Variants in ANO2 observed in about 807,000 individuals in gnomAD.
The protein encoded by ANO2 is anoctamin 2.
A neutral mutation model predicts 124.2 loss-of-function variants in ANO2; 101 were observed. The observed-to-expected ratio is 0.81, with a 90% CI of 0.69 to 0.96. The LOEUF (loss-of-function observed/expected upper bound fraction) is 0.96. ANO2 is among the 40% of genes least tolerant of loss of function. ANO2 has a pLI of 0.00. For synonymous variants in ANO2, 486 were observed against 482.5 expected, an observed-to-expected ratio of 1.01 and a Z score of -0.09; for missense variants, 1,293 against 1,274.5, an observed-to-expected ratio of 1.01 and a Z score of -0.22.
intron 7 of ANO2, among the ~76,000 whole-genome samples, chr12:5,825,725 A>C (rs1591661002): frequency 2.0e-5 from 3 of 152,302 alleles, no homozygotes; most frequent in African/African-American, 7.2e-5. Context: ...GGTAAGGAAG[A>C]GTGTACATGC....
chr12:5,798,302 G>A (rs1170247610), intron 10 of ANO2, among the ~76,000 whole-genome samples: 1 of 152,090 alleles, frequency 6.6e-6, no homozygotes, highest in East Asian at 1.9e-4. Flanking sequence ...CAAGACCTTG[G>A]TTCACGGTCC....
chr12:5,635,191 C>T lies in ANO2; in HGVS notation c.1777G>A (p.Glu593Lys), dbSNP rs1305297350. 5.0e-6 allele frequency: 8 copies of T among 1,603,188 alleles called. No individual in the cohort carries two copies. The East Asian group carries it at 8.9e-5, about 18-fold the overall frequency. ...CACTTGGCCACAGCGCCGTAGATCT[C>T]GTCCAGGATGAGGATGACCACGAGG... Reference protein sequence around the residue: ...INLVVILILDEIYGAVAKWLT... With the variant: ...INLVVILILDKIYGAVAKWLT... The change falls in exon 16 of 25, where the codon GAG becomes AAG. Residue 593 changes from glutamate (E) to lysine (K), a missense_variant. Physicochemically the swap from Glu to Lys is moderately conservative, Grantham distance 56. Transcript: ENST00000682330. This position sits in a 1 kb window ranked among gnomAD's most constrained non-coding sequence, Gnocchi z 5.2.
chr12:5,567,979 AT>A (rs1941871628), intron 23 of ANO2, among the ~76,000 whole-genome samples: 1 of 152,232 alleles, frequency 6.6e-6, no homozygotes, highest in African/African-American at 2.4e-5. Flanking sequence ...AGCTAACTTT[AT>A]AAAAACTATG....
At chr12:5,836,357 G>A (rs1020878039) in intron 4 of ANO2, among the ~76,000 whole-genome samples, 1 of 152,162 alleles carries the variant, frequency 6.6e-6, no homozygotes, top group Non-Finnish European at 1.5e-5. Context: ...AATTTTAAAT[G>A]TAATTATATC....
intron 10 of ANO2, among the ~76,000 whole-genome samples, chr12:5,778,327 C>T (rs976326881): frequency 6.6e-6 from 1 of 152,158 alleles, no homozygotes; most frequent in African/African-American, 2.4e-5. Flanking sequence ...AGGATTCAAA[C>T]TCAAGTGTAT....
At chr12:5,688,792 C>G (rs1175305058) in intron 14 of ANO2, among the ~76,000 whole-genome samples, 1 of 150,378 alleles carries the variant, frequency 6.6e-6, no homozygotes, top group Non-Finnish European at 1.5e-5. Flanking sequence ...AGACAAAACC[C>G]TGACCCATGG....
At chr12:5,576,052 T>A (rs749342417) in intron 22 of ANO2, 37 bp from the exon 23 acceptor site, 5 of 1,549,854 alleles carry the variant, frequency 3.2e-6, no homozygotes, top group Admixed American at 3.8e-5. Context: ...GTAGCCAGGA[T>A]TGATGCTAAA....
chr12:5,616,481 G>T (rs1944815278), intron 16 of ANO2, among the ~76,000 whole-genome samples: 1 of 152,142 alleles, frequency 6.6e-6, no homozygotes, highest in Non-Finnish European at 1.5e-5. Context: ...GAATTTTGGG[G>T]AACACAAGTA....
rs368256609 is a variant in ANO2, at chr12:5,932,260, A to G, written c.23-9456T>C. On this transcript the variant is annotated intron_variant, in intron 1 of 24. Coordinates refer to ENST00000682330, the MANE Select transcript of ANO2 (RefSeq NM_001364791.2). ...GAGTGAGGAAAGAAGGTAGACTAGT[A>G]AGGAAGGAAGACTGGTAAGAAAGTG... Among the ~76,000 whole-genome samples, 16 of 151,604 alleles carry G rather than the reference A, an allele frequency of 1.1e-4. No individual in the cohort carries two copies. The East Asian group carries it at 1.9e-3, about 18-fold the overall frequency.
At chr12:5,563,639 G>C in intron 24 of ANO2, 71 bp from the exon 25 acceptor site, 2 of 1,573,032 alleles carry the variant, frequency 1.3e-6, no homozygotes, top group East Asian at 2.2e-5. Flanking sequence ...CCCTGGAGCA[G>C]AATGCCTCTG....
chr12:5,805,115 C>G (rs544376754), intron 9 of ANO2, among the ~76,000 whole-genome samples: 2 of 152,028 alleles, frequency 1.3e-5, no homozygotes, highest in South Asian at 2.1e-4. Flanking sequence ...CCTGGGCAGG[C>G]AGAGAGGGGA....
intron 4 of ANO2, among the ~76,000 whole-genome samples, chr12:5,844,714 G>C (rs985482351): frequency 6.6e-6 from 1 of 152,024 alleles, no homozygotes; most frequent in African/African-American, 2.4e-5. Flanking sequence ...TCCCAGACCA[G>C]GATTCTTTAA....
At chr12:5,571,715 C>T (rs535565260) in intron 23 of ANO2, among the ~76,000 whole-genome samples, 89 of 152,174 alleles carry the variant, frequency 5.8e-4, no homozygotes, top group Middle Eastern at 3.2e-3. Flanking sequence ...CTCTCTCTCT[C>T]TCTCTTCCAT....
At chr12:5,932,679 G>T (rs202067205) in intron 1 of ANO2, among the ~76,000 whole-genome samples, 270 of 145,980 alleles carry the variant, frequency 1.8e-3, no homozygotes, top group Admixed American at 5.3e-3. Flanking sequence ...GAAGGTAGAC[G>T]AGTAAGGAAG....
intron 14 of ANO2, among the ~76,000 whole-genome samples, chr12:5,652,201 T>C (rs563977053): frequency 1.6e-4 from 25 of 152,340 alleles, no homozygotes; most frequent in African/African-American, 5.0e-4. Context: ...GGGTGTACCA[T>C]TTTGAATTTC....
chr12:5,647,906 T>C (rs746214144), intron 14 of ANO2, 105 bp from the exon 15 acceptor site: 12 of 824,036 alleles, frequency 1.5e-5, no homozygotes, highest in East Asian at 2.7e-5. Context: ...TATCACTCTA[T>C]ATAGATATAT....
chr12:5,906,419 T>C (rs1940694517), intron 3 of ANO2, among the ~76,000 whole-genome samples: 1 of 151,544 alleles, frequency 6.6e-6, no homozygotes, highest in Non-Finnish European at 1.5e-5. Context: ...CCCAGTACTT[T>C]GGGAGATGGT....
intron 2 of ANO2, among the ~76,000 whole-genome samples, chr12:5,921,743 C>A (rs530455688): frequency 3.9e-5 from 6 of 152,108 alleles, no homozygotes; most frequent in Non-Finnish European, 5.9e-5. Flanking sequence ...CAGATGCACA[C>A]GCAGCCACCT....
chr12:5,837,478 TC>T (rs1954367305), intron 4 of ANO2, among the ~76,000 whole-genome samples: 1 of 51,438 alleles, frequency 1.9e-5, no homozygotes, highest in Non-Finnish European at 3.4e-5. Flanking sequence ...CCCTCCCCCC[TC>T]CCCCCACCCC....
Sources: allele counts gnomAD v4.1 joint callset (sites outside exome capture counted in the v4.1 genomes callset), GRCh38; gene constraint gnomAD v4.1.1; non-coding constraint Gnocchi (gnomAD v3.1); transcripts MANE v1.5; gene names NCBI Gene and HGNC (gene_info 2026-07-23, HGNC 2026-07-21).